The following DOCK8 variants were observed in gnomAD, a reference collection of about 807,000 sequenced individuals.
DOCK8 encodes dedicator of cytokinesis protein 8.
A neutral mutation model predicts 245.6 loss-of-function variants in DOCK8; 141 were observed. The ratio of observed to expected loss-of-function variants is 0.57; its 90% CI spans 0.50 to 0.66. DOCK8 has a LOEUF of 0.66. Ranked by LOEUF, DOCK8 falls within the 30% of genes least tolerant of loss-of-function variation. The pLI, the probability that DOCK8 is intolerant of heterozygous loss-of-function variation, is 0.00. For missense variants in DOCK8, 2,965 were observed against 2,603.4 expected (o/e 1.14, Z -3.02); for synonymous variants, 1,168 against 970.2 (o/e 1.20, Z -3.79).
intron 7 of DOCK8, among the ~76,000 whole-genome samples, chr9:323,411 CAG>C (rs1372992882): frequency 2.0e-5 from 3 of 151,838 alleles, no homozygotes; most frequent in African/African-American, 7.3e-5. Flanking sequence ...TTAGTAGAGA[CAG>C]GGTTTCACCG....
chr9:395,146 A>G (rs1467118332), intron 24 of DOCK8, among the ~76,000 whole-genome samples: 4 of 152,108 alleles, frequency 2.6e-5, no homozygotes, highest in African/African-American at 9.7e-5. Context: ...GGGTCTTCTC[A>G]CCAGGTGCAT....
intron 3 of DOCK8, among the ~76,000 whole-genome samples, chr9:287,981 C>T (rs923937202): frequency 2.0e-5 from 3 of 151,578 alleles, no homozygotes; most frequent in African/African-American, 4.9e-5. Flanking sequence ...TGAGTTCAGC[C>T]TGGGTAAAAT....
At chr9:323,815 A>C (rs952007923) in intron 7 of DOCK8, among the ~76,000 whole-genome samples, 2 of 152,172 alleles carry the variant, frequency 1.3e-5, no homozygotes, top group Non-Finnish European at 2.9e-5. Context: ...AGGTTCATCT[A>C]TATTGTAGTA....
At position 398,586 on chromosome 9, in the gene DOCK8, ATT is replaced by A. The variant is rs1483023816; in HGVS notation, c.3121-559_3121-558del. Reference sequence around the variant, plus strand: ...AAATAGGCGTAGCTTATTAATTGGGATTCATGGAGGAATTTACCCTACGGAGT... The same window carrying A: ...AAATAGGCGTAGCTTATTAATTGGGACATGGAGGAATTTACCCTACGGAGT... On this transcript the variant is annotated intron_variant, in intron 25 of 47. Transcript: ENST00000432829. Among the ~76,000 whole-genome samples the A allele has an allele frequency of 2.6e-5, 4 of 152,188 alleles. No individual in the cohort carries two copies. The East Asian group carries it at 7.7e-4, about 29-fold the overall frequency.
intron 21 of DOCK8, chr9:381,428 A>T (rs1339692135): frequency 2.0e-5 from 3 of 152,224 alleles, no homozygotes; most frequent in Non-Finnish European, 2.9e-5. Context: ...TATTAAAAAA[A>T]ATCCCTTTTC....
intron 14 of DOCK8, among the ~76,000 whole-genome samples, 199 bp from the exon 15 acceptor site, chr9:367,819 G>A (rs1428862312): frequency 4.6e-5 from 7 of 152,228 alleles, no homozygotes; most frequent in South Asian, 2.1e-4. Context: ...AACAGAGAGC[G>A]ATGGGGGTTA....
chr9:286,670 G>T, intron 3 of DOCK8, 34 bp downstream of exon 3: 1 of 1,603,760 alleles, frequency 6.2e-7, no homozygotes. Context: ...ATGTGATTGG[G>T]ATTGTCATGA....
intron 10 of DOCK8, among the ~76,000 whole-genome samples, chr9:332,783 G>C (rs1025322494): frequency 9.4e-5 from 14 of 149,036 alleles, no homozygotes; most frequent in African/African-American, 3.5e-4. Flanking sequence ...TCAGCCTCTT[G>C]AGCAGCTGGT....
In DOCK8 at chr9:433,947, C is replaced by T. The variant is rs1460974742; in HGVS notation, c.4858C>T (p.Pro1620Ser). The T allele has an allele frequency of 6.2e-7, 1 of 1,613,844 alleles. No individual in the cohort carries two copies. The highest frequency in any genetic ancestry group is 1.3e-5 in the African/African-American group (1 of 74,870). Residue 1620 changes from proline (P) to serine (S), a missense_variant, in exon 38 of 48, where the codon CCT becomes TCT. Physicochemically the swap from Pro to Ser is moderately conservative, Grantham distance 74 (BLOSUM62 -1). Coordinates refer to ENST00000432829, the MANE Select transcript of DOCK8 (RefSeq NM_203447.4). The stretch of plus-strand genomic sequence containing the variant: ...GAAAATGAGGGAATTTCAGGAAGAT[C>T]CTGAGATGCTTATGGATCTCATGTA... ...TVKMREFQEDPEMLMDLMYRI... is the reference protein window; with the variant it reads ...TVKMREFQEDSEMLMDLMYRI...
At chr9:358,806 G>A (rs1414873323) in intron 14 of DOCK8, among the ~76,000 whole-genome samples, 3 of 152,166 alleles carry the variant, frequency 2.0e-5, no homozygotes, top group Non-Finnish European at 2.9e-5. Flanking sequence ...CTGAGATCAC[G>A]CCATTGCACT....
At chr9:337,837 A>C (rs2051388309) in intron 12 of DOCK8, among the ~76,000 whole-genome samples, 2 of 152,156 alleles carry the variant, frequency 1.3e-5, no homozygotes, top group Non-Finnish European at 2.9e-5. Context: ...AATGTGCTTA[A>C]CACTACTGAA....
chr9:249,862 A>G (rs1191485002), intron 1 of DOCK8, among the ~76,000 whole-genome samples: 1 of 151,398 alleles, frequency 6.6e-6, no homozygotes, highest in Non-Finnish European at 1.5e-5. Flanking sequence ...TCCTGACCTC[A>G]AGCGACGCCC....
intron 1 of DOCK8, among the ~76,000 whole-genome samples, chr9:222,762 A>C (rs1563818749): frequency 6.6e-6 from 1 of 152,208 alleles, no homozygotes; most frequent in Admixed American, 6.5e-5. Context: ...TAGGTGGATT[A>C]ATGATAAAGG....
intron 1 of DOCK8, among the ~76,000 whole-genome samples, chr9:255,790 A>T (rs1260663645): frequency 1.3e-5 from 2 of 152,010 alleles, no homozygotes; most frequent in African/African-American, 4.8e-5. Flanking sequence ...TCATTGATGT[A>T]AATTTTGCTA....
intron 14 of DOCK8, among the ~76,000 whole-genome samples, chr9:342,076 A>G (rs1268304464): frequency 6.6e-6 from 1 of 152,122 alleles, no homozygotes; most frequent in Non-Finnish European, 1.5e-5. Flanking sequence ...ATTTCATTAT[A>G]TATTGCAATG....
chr9:275,914 G>A (rs559504330), intron 2 of DOCK8, among the ~76,000 whole-genome samples: 1 of 145,856 alleles, frequency 6.9e-6, no homozygotes, highest in African/African-American at 2.5e-5. Flanking sequence ...TTTTTGTAAT[G>A]GAATTTCCCT....
At chr9:460,859 A>G (rs1172374442) in intron 46 of DOCK8, among the ~76,000 whole-genome samples, 2 of 152,266 alleles carry the variant, frequency 1.3e-5, no homozygotes, top group East Asian at 3.8e-4. Context: ...GGGTATCTCC[A>G]TAACTTAGTC....
intron 41 of DOCK8, 72 bp from the exon 42 acceptor site, chr9:441,803 C>T: frequency 1.3e-6 from 2 of 1,590,868 alleles, no homozygotes; most frequent in Non-Finnish European, 1.7e-6. Flanking sequence ...ATGAGAGACC[C>T]CTGCCCTTTG....
At chr9:416,673 C>T (rs1217796488) in intron 29 of DOCK8, among the ~76,000 whole-genome samples, 2 of 152,118 alleles carry the variant, frequency 1.3e-5, no homozygotes, top group African/African-American at 2.4e-5. Context: ...AGATTCCAGC[C>T]CCATTTATTA....
Sources: gnomAD v4.1 joint callset for allele counts (sites outside exome capture counted in the v4.1 genomes callset) on GRCh38, gnomAD v4.1.1 for gene constraint, MANE v1.5 for transcripts, NCBI Gene and HGNC (gene_info 2026-07-23, HGNC 2026-07-21) for gene names.